SPINK13: variants seen among roughly 807,000 people sequenced by gnomAD.
SPINK13 encodes the protein serine protease inhibitor Kazal-type 13.
Under a neutral mutation model 11.0 loss-of-function variants are expected in SPINK13, and 11 were observed. The ratio of observed to expected loss-of-function variants is 1.00; its 90% CI spans 0.63 to 1.65. The LOEUF is 1.65. Among genes scored for constraint, SPINK13 ranks in the 40% most tolerant of loss-of-function variants. SPINK13 has a pLI of 0.00. For missense variants in SPINK13, 113 were observed against 117.7 expected, an observed-to-expected ratio of 0.96 and a Z score of 0.19; for synonymous variants, 31 against 35.6, an observed-to-expected ratio of 0.87 and a Z score of 0.46.
At chr5:148,281,562 C>G (rs953825148) in intron 3 of SPINK13, among the ~76,000 whole-genome samples, 2 of 152,126 alleles carry the variant, frequency 1.3e-5, no homozygotes, top group Non-Finnish European at 2.9e-5. Context: ...CATTGCACTT[C>G]CCGGGTGAGG....
At position 148,286,060 on chromosome 5, in the gene SPINK13, G is replaced by A; in HGVS notation, c.*12G>A. 1 of 1,415,054 alleles carries A rather than the reference G, an allele frequency of 7.1e-7. No homozygotes were observed. The highest frequency in any genetic ancestry group is 1.3e-5 in the South Asian group (1 of 76,670). The allele number at this position is 1,415,054 out of a possible 1,614,324, so 87.7% of individuals were successfully genotyped here. On this transcript the variant is annotated 3_prime_UTR_variant, in exon 5 of 5. Transcript: ENST00000398450. Reference sequence around the variant, plus strand: ...GAAAATGTGATTAATGGGTACCAGAGTAACTACACTTGCTTATTCTTTTTC... The same window carrying A: ...GAAAATGTGATTAATGGGTACCAGAATAACTACACTTGCTTATTCTTTTTC...
chr5:148,274,864 T>G (rs576740052), intron 3 of SPINK13, among the ~76,000 whole-genome samples: 4 of 152,328 alleles, frequency 2.6e-5, no homozygotes, highest in African/African-American at 7.2e-5. Context: ...TAAAATATAA[T>G]ATTTTAGTAA....
At position 148,286,231 on chromosome 5, in the gene SPINK13, TAAAC is replaced by T. The variant is rs138438417; in HGVS notation, c.*186_*189del. ...AACCAAATATCACATTTGTTACAAA[TAAAC>T]AACAAAAGAGCTGATATTCATTTCT... is the stretch of plus-strand genomic sequence containing the variant. On this transcript the variant is annotated 3_prime_UTR_variant, in exon 5 of 5. Transcript: ENST00000398450. 8,054 of 358,050 alleles carry T rather than the reference TAAAC, an allele frequency of 0.022. 520 individuals are homozygous for T. Among genetic ancestry groups the T allele is most frequent in the African/African-American group, 0.15 (6,959 of 46,788 alleles). The allele number at this position is 358,050 out of a possible 1,614,324, so 22.2% of individuals were successfully genotyped here. A position where few individuals can be genotyped will look rare whatever the true frequency, so the allele number is the denominator to read the frequency against.
chr5:148,278,845 A>G (rs150396440), intron 3 of SPINK13, among the ~76,000 whole-genome samples: 1 of 151,926 alleles, frequency 6.6e-6, no homozygotes, highest in Non-Finnish European at 1.5e-5. Flanking sequence ...TGTCTCATCA[A>G]TCTATCTGAC....
chr5:148,273,742 A>ATG (rs1236899209), intron 2 of SPINK13, among the ~76,000 whole-genome samples: 1 of 152,214 alleles, frequency 6.6e-6, no homozygotes, highest in African/African-American at 2.4e-5. Flanking sequence ...TGATATTTTA[A>ATG]ATATCACTTA....
Position 148,286,126 on chromosome 5 carries a change from GTAAAT to G in SPINK13, c.*84_*88del. 1 of 975,842 alleles carries G rather than the reference GTAAAT, an allele frequency of 1.0e-6. No homozygotes were observed. 60.4% of individuals were successfully genotyped at this position (975,842 alleles called of 1,614,324 possible). A position where few individuals can be genotyped will look rare whatever the true frequency, so the allele number is the denominator to read the frequency against. On this transcript the variant is annotated 3_prime_UTR_variant, in exon 5 of 5. Coordinates refer to ENST00000398450, the MANE Select transcript of SPINK13 (RefSeq NM_001040129.3). The stretch of plus-strand genomic sequence containing the variant: ...AGTATTTCTTTTAGAGTGTGAGAAT[GTAAAT>G]TAAATAACATCCCTATGCTGTACTT...
intron 2 of SPINK13, 100 bp downstream of exon 2, chr5:148,270,242 G>T: frequency 7.9e-7 from 1 of 1,262,108 alleles, no homozygotes; most frequent in Non-Finnish European, 1.1e-6. Context: ...ATATTTTGCT[G>T]AAATGTAAGC....
chr5:148,269,565 T>G (rs1210992956), intron 1 of SPINK13, among the ~76,000 whole-genome samples: 1 of 152,192 alleles, frequency 6.6e-6, no homozygotes, highest in African/African-American at 2.4e-5. Flanking sequence ...AACTGGTCCA[T>G]CTCAGGGAAT....
At chr5:148,276,385 T>C (rs1432576474) in intron 3 of SPINK13, among the ~76,000 whole-genome samples, 1 of 152,234 alleles carries the variant, frequency 6.6e-6, no homozygotes, top group Non-Finnish European at 1.5e-5. Context: ...GCCTGTGTCC[T>C]AAATAGTATT....
At chr5:148,285,929 G>T in intron 4 of SPINK13, 71 bp from the exon 5 acceptor site, 1 of 899,040 alleles carries the variant, frequency 1.1e-6, no homozygotes, top group Non-Finnish European at 1.7e-6. Context: ...TAGAAGATAA[G>T]GAAAAGTACA....
intron 3 of SPINK13, among the ~76,000 whole-genome samples, chr5:148,279,343 C>T (rs1158687015): frequency 6.6e-6 from 1 of 151,912 alleles, no homozygotes; most frequent in Admixed American, 6.6e-5. Context: ...GGCTATTTTG[C>T]CCATTAGTTG....
intron 3 of SPINK13, among the ~76,000 whole-genome samples, chr5:148,276,257 T>C (rs1267826168): frequency 1.3e-5 from 2 of 152,230 alleles, no homozygotes; most frequent in African/African-American, 4.8e-5. Flanking sequence ...CTGTTCACTC[T>C]GATGATAGTT....
At chr5:148,282,350 A>G (rs1256375110) in intron 4 of SPINK13, 119 bp downstream of exon 4, 2 of 1,250,464 alleles carry the variant, frequency 1.6e-6, no homozygotes, top group Admixed American at 5.0e-5. Flanking sequence ...AAATAGCCTC[A>G]TTATTTACAA....
At chr5:148,281,103 C>G (rs904032168) in intron 3 of SPINK13, among the ~76,000 whole-genome samples, 4 of 152,144 alleles carry the variant, frequency 2.6e-5, no homozygotes, top group African/African-American at 9.7e-5. Context: ...ACCACCTACT[C>G]AAGCCTCAGT....
chr5:148,272,406 T>C (rs1756364390), intron 2 of SPINK13, among the ~76,000 whole-genome samples: 1 of 152,164 alleles, frequency 6.6e-6, no homozygotes, highest in Non-Finnish European at 1.5e-5. Context: ...GATGGTGCAA[T>C]ATATAAATTG....
At chr5:148,280,925 G>T (rs1429976264) in intron 3 of SPINK13, among the ~76,000 whole-genome samples, 1 of 152,192 alleles carries the variant, frequency 6.6e-6, no homozygotes, top group African/African-American at 2.4e-5. Flanking sequence ...GGAGATGGAA[G>T]TTTTATCTAT....
intron 2 of SPINK13, among the ~76,000 whole-genome samples, chr5:148,274,078 T>C (rs76543056): frequency 0.021 from 3,233 of 152,268 alleles, 135 homozygotes; most frequent in African/African-American, 0.074. Flanking sequence ...ATAAATACAA[T>C]TATTTTAAGT....
chr5:148,279,587 T>A lies in SPINK13; in HGVS notation c.109-2517T>A, dbSNP rs532246993. 1.9e-3 allele frequency among the ~76,000 whole-genome samples: 295 copies of A among 152,300 alleles called. 2 individuals are homozygous for A. Among genetic ancestry groups the A allele is most frequent in the African/African-American group, 6.7e-3 (279 of 41,570 alleles). ...ATTCTGGGTTGAAAATTCTTTTCTT[T>A]AAGAATGTTGAACATTGGCCCCCAC... On this transcript the variant is annotated intron_variant, in intron 3 of 4. Transcript: ENST00000398450.
At chr5:148,281,427 G>C (rs1387658478) in intron 3 of SPINK13, among the ~76,000 whole-genome samples, 1 of 152,162 alleles carries the variant, frequency 6.6e-6, no homozygotes, top group Non-Finnish European at 1.5e-5. Context: ...AGGGACCTGA[G>C]GGAATCTCCT....
Sources: allele counts gnomAD v4.1 joint callset (sites outside exome capture counted in the v4.1 genomes callset), GRCh38; gene constraint gnomAD v4.1.1; transcripts MANE v1.5; gene names NCBI Gene and HGNC (gene_info 2026-07-23, HGNC 2026-07-21).